The following PRR3 variants were observed in gnomAD, a reference collection of about 807,000 sequenced individuals.
PRR3 encodes proline rich 3.
PRR3 carries 16 observed loss-of-function variants against 22.4 expected under a neutral mutation model. That is an observed-to-expected ratio of 0.71 (90% CI 0.48 to 1.09). The LOEUF (loss-of-function observed/expected upper bound fraction) is 1.09, where lower values mean the gene tolerates loss of function less well. Ranked by LOEUF, PRR3 falls within the 50% of genes least tolerant of loss-of-function variation. The pLI is 0.00. For missense variants in PRR3, 224 were observed against 243.4 expected (o/e 0.92, Z 0.53); for synonymous variants, 87 against 88.6 (o/e 0.98, Z 0.10).
rs963502739 is a variant in PRR3 at position 30,562,478 on chromosome 6, A to C, written c.550A>C (p.Asn184His). 3 of 1,608,620 alleles carry C rather than the reference A, an allele frequency of 1.9e-6. No individual in the cohort carries two copies. The change falls in exon 4 of 4, where the codon AAT becomes CAT. Residue 184 changes from asparagine to histidine, a missense_variant. Asn to His is a moderately conservative substitution (Grantham distance 68, BLOSUM62 1). Transcript: ENST00000376560. ...CTGTGCCTTCTACCATCCAGGCGTC[A>C]ATGGACCTCCTCTGTGAGACTGTGC... is the stretch of plus-strand genomic sequence containing the variant. The part of the protein sequence containing the change: ...DLCAFYHPGV[N>H]GPPL
At position 30,558,205 on chromosome 6, in the gene PRR3, T is replaced by G. The variant is rs1800388543; in HGVS notation, c.162T>G (p.Pro54=). ...PPMANGKPGD[P]KSALHRGPPG... is the part of the protein sequence containing the mutation. ...TGGCCAATGGAAAACCTGGCGACCC[T>G]AAGTCAGGTGAGGAGGAAGGGGCCC... The change falls in exon 2 of 4, where the codon CCT becomes CCG. Residue 54 remains proline, a synonymous_variant. Coordinates refer to ENST00000376560, the MANE Select transcript of PRR3 (RefSeq NM_025263.4). The G allele has an allele frequency of 1.2e-6, 2 of 1,612,694 alleles. No individual in the cohort carries two copies. The highest frequency in any genetic ancestry group is 2.2e-5 in the South Asian group (2 of 91,068).
Position 30,562,770 on chromosome 6 carries a change from C to T in PRR3, c.*275C>T. 2.8e-6 allele frequency: 1 copy of T among 351,994 alleles called. No homozygotes were observed. The highest frequency in any genetic ancestry group is 7.7e-5 in the South Asian group (1 of 13,012). The allele number at this position is 351,994 out of a possible 1,614,324, so 21.8% of individuals were successfully genotyped here. ...TTGCCTCCTGGATCTTCTTTCCCGTCATCAAATGACTGCTGAACAGGAAAC... is the reference window on the plus strand; with the variant it reads ...TTGCCTCCTGGATCTTCTTTCCCGTTATCAAATGACTGCTGAACAGGAAAC... On this transcript the variant is annotated 3_prime_UTR_variant, in exon 4 of 4. Transcript: ENST00000376560.
At position 30,557,379 on chromosome 6, in the gene PRR3, C is replaced by T. The variant is rs375242330; in HGVS notation, c.35C>T (p.Pro12Leu). 7 of 1,612,766 alleles carry T rather than the reference C, an allele frequency of 4.3e-6. No homozygotes were observed. In the East Asian group the frequency reaches 6.7e-5, roughly 15 times the overall value. The change falls in exon 1 of 4, where the codon CCA becomes CTA. Residue 12 changes from proline to leucine, a missense_variant. By Grantham distance (98) the Pro-to-Leu change is moderately conservative. Transcript: ENST00000376560. ...PKRKKQNHHQ[P>L]PTQQQPPLPE... ...CGAAAGAAGCAGAATCATCACCAGC[C>T]ACCGACACAGCAGCAGCCCCCGCTG...
chr6:30,558,248 C>G (rs1312179513), intron 2 of PRR3, 36 bp downstream of exon 2: 1 of 1,570,934 alleles, frequency 6.4e-7, no homozygotes, highest in South Asian at 1.1e-5. Flanking sequence ...TGTATTAGGT[C>G]GTAGAGAAGA....
chr6:30,556,934 T>G, upstream of PRR3: 1 of 615,262 alleles, frequency 1.6e-6, no homozygotes, highest in East Asian at 2.7e-5. The surrounding 1 kb of genome is among the most constrained non-coding windows in gnomAD (Gnocchi z 5.7). Context: ...GGGCACGAAG[T>G]TGTGCCTGCA....
chr6:30,562,512 C>G lies in PRR3; in HGVS notation c.*17C>G, dbSNP rs919521511. ...CCTCTGTGAGACTGTGCCTTCCCATCCAGGCTGGAAGGAGCTCTCTGTGAC... is the reference window on the plus strand; with the variant it reads ...CCTCTGTGAGACTGTGCCTTCCCATGCAGGCTGGAAGGAGCTCTCTGTGAC... On this transcript the variant is annotated 3_prime_UTR_variant, in exon 4 of 4. Coordinates refer to ENST00000376560, the MANE Select transcript of PRR3 (RefSeq NM_025263.4). The G allele has an allele frequency of 5.9e-6, 9 of 1,518,004 alleles. No individual in the cohort carries two copies. The Admixed American group carries it at 1.5e-4, about 25-fold the overall frequency. 94.0% of individuals were successfully genotyped at this position (1,518,004 alleles called of 1,614,324 possible).
Position 30,562,400 on chromosome 6 carries a change from C to T in PRR3, c.472C>T (p.Arg158Cys). The T allele has an allele frequency of 2.5e-6, 4 of 1,613,336 alleles. No homozygotes were observed. The highest frequency in any genetic ancestry group is 1.3e-5 in the African/African-American group (1 of 75,008). The change falls in exon 4 of 4, where the codon CGC becomes TGC. Residue 158 changes from arginine (R) to cysteine (C), a missense_variant. By Grantham distance (180) the Arg-to-Cys change is radical. Coordinates refer to ENST00000376560, the MANE Select transcript of PRR3 (RefSeq NM_025263.4). ...DPQVMEDKSDRPVCRHFAKKG... is the reference protein window; with the variant it reads ...DPQVMEDKSDCPVCRHFAKKG... Reference sequence around the variant, plus strand: ...TCACTTGTTCACAGACAAATCCGACCGCCCTGTCTGCCGACATTTTGCCAA... The same window carrying T: ...TCACTTGTTCACAGACAAATCCGACTGCCCTGTCTGCCGACATTTTGCCAA...
chr6:30,556,871 G>C, upstream of PRR3: 3 of 592,234 alleles, frequency 5.1e-6, no homozygotes, highest in Non-Finnish European at 9.0e-6. The surrounding 1 kb of genome is among the most constrained non-coding windows in gnomAD (Gnocchi z 5.7). Context: ...AAGTGCAAAA[G>C]CGGGCGAGAA....
chr6:30,556,843 A>T, upstream of PRR3: 1 of 556,044 alleles, frequency 1.8e-6, no homozygotes, highest in Non-Finnish European at 3.2e-6. This position sits in a 1 kb window ranked among gnomAD's most constrained non-coding sequence, Gnocchi z 5.7. Flanking sequence ...GATGATAAGG[A>T]GCAGGTTTAC....
chr6:30,559,519 C>G (rs114055010), intron 2 of PRR3, among the ~76,000 whole-genome samples: 1,533 of 152,134 alleles, frequency 0.01, 8 homozygotes, highest in Non-Finnish European at 0.014. Flanking sequence ...TCCAGACAAG[C>G]CATTTGAAAA....
At position 30,562,668 on chromosome 6, in the gene PRR3, G is replaced by T. The variant is rs1228760973; in HGVS notation, c.*173G>T. Reference sequence around the variant, plus strand: ...GGGTCCAGAGTGGTGTTGCATCACTGGTGCGCGGCATACGCGCTTTCTTCT... The same window carrying T: ...GGGTCCAGAGTGGTGTTGCATCACTTGTGCGCGGCATACGCGCTTTCTTCT... On this transcript the variant is annotated 3_prime_UTR_variant, in exon 4 of 4. Coordinates refer to ENST00000376560, the MANE Select transcript of PRR3 (RefSeq NM_025263.4). 1.8e-6 allele frequency: 1 copy of T among 554,222 alleles called. No individual in the cohort carries two copies. Among genetic ancestry groups the T allele is most frequent in the Admixed American group, 3.3e-5 (1 of 30,408 alleles). 34.3% of individuals were successfully genotyped at this position (554,222 alleles called of 1,614,324 possible).
In PRR3 at chr6:30,557,410, G is replaced by C. The variant is rs754468875; in HGVS notation, c.66G>C (p.Glu22Asp). ...CACAGCAGCAGCCCCCGCTGCCCGAGCGGGAAGAGACTGGAGATGAGGAGG... is the reference window on the plus strand; with the variant it reads ...CACAGCAGCAGCCCCCGCTGCCCGACCGGGAAGAGACTGGAGATGAGGAGG... Reference protein sequence around the residue: ...PPTQQQPPLPEREETGDEEDG... With the variant: ...PPTQQQPPLPDREETGDEEDG... The change falls in exon 1 of 4, where the codon GAG becomes GAC. Residue 22 changes from glutamate (E) to aspartate (D), a missense_variant. By Grantham distance (45) the Glu-to-Asp change is conservative. Coordinates refer to ENST00000376560, the MANE Select transcript of PRR3 (RefSeq NM_025263.4). 2.9e-5 allele frequency: 47 copies of C among 1,612,478 alleles called. 1 individual carries two copies. Among genetic ancestry groups the C allele is most frequent in the Non-Finnish European group, 2.5e-6 (3 of 1,179,942 alleles).
At position 30,561,810 on chromosome 6, in the gene PRR3, GTCTC is replaced by G. The variant is rs550878539; in HGVS notation, c.170-7_170-4del. 2.1e-4 allele frequency: 291 copies of G among 1,382,584 alleles called. No individual in the cohort carries two copies. Among genetic ancestry groups the G allele is most frequent in the African/African-American group, 7.7e-4 (52 of 67,604 alleles). 85.6% of individuals were successfully genotyped at this position (1,382,584 alleles called of 1,614,324 possible). A position where few individuals can be genotyped will look rare whatever the true frequency, so the allele number is the denominator to read the frequency against. On this transcript the variant is annotated intron_variant, in intron 2 of 3. Transcript: ENST00000376560. This position sits in a 1 kb window ranked among gnomAD's most constrained non-coding sequence, Gnocchi z 4.0. ...AGCTGCCCATTAGACACCTTTCTGT[GTCTC>G]TCTCTCTCTCTCTCTCCAGCTCTTC... is the stretch of plus-strand genomic sequence containing the variant.
chr6:30,562,424 A>T lies in PRR3; in HGVS notation c.496A>T (p.Lys166Ter). 1 of 1,613,904 alleles carries T rather than the reference A, an allele frequency of 6.2e-7. No homozygotes were observed. Among genetic ancestry groups the T allele is most frequent in the Non-Finnish European group, 8.5e-7 (1 of 1,179,802 alleles). Residue 166 changes from lysine to a stop codon, truncating the protein, a stop_gained, in exon 4 of 4, where the codon AAA becomes TAA. Transcript: ENST00000376560. LOFTEE classifies it high-confidence loss of function. ...CCGCCCTGTCTGCCGACATTTTGCC[A>T]AAAAGGGCCACTGTCGATATGAGGA... ...SDRPVCRHFA[K>*]KGHCRYEDLC...
intron 2 of PRR3, chr6:30,559,978 A>C (rs1465588649): frequency 6.6e-6 from 1 of 152,254 alleles, no homozygotes; most frequent in African/African-American, 2.4e-5. Context: ...GAAGGAAGAA[A>C]GTGCTGTCAC....
chr6:30,561,674 T>C lies in PRR3; in HGVS notation c.170-160T>C, dbSNP rs1321488362. The C allele has an allele frequency of 9.2e-6, 6 of 649,908 alleles. No homozygotes were observed. Among genetic ancestry groups the C allele is most frequent in the Non-Finnish European group, 1.6e-5 (6 of 386,006 alleles). The allele number at this position is 649,908 out of a possible 1,614,324, so 40.3% of individuals were successfully genotyped here. A position where few individuals can be genotyped will look rare whatever the true frequency, so the allele number is the denominator to read the frequency against. On this transcript the variant is annotated intron_variant, in intron 2 of 3. Transcript: ENST00000376560. This position sits in a 1 kb window ranked among gnomAD's most constrained non-coding sequence, Gnocchi z 4.0. ...TATCTCTTCACCTGGTGGTGGAAAC[T>C]CAAGTGTGTCTACTTTGTGAGAACT...
At chr6:30,557,122 G>A (rs1800282873), upstream of PRR3, 1 of 702,676 alleles carries the variant, frequency 1.4e-6, no homozygotes. Flanking sequence ...TAGAAACGCA[G>A]CAAAGGGAAG....
Position 30,561,558 on chromosome 6 carries a change from G to T in PRR3, c.170-276G>T, listed in dbSNP as rs575482040. ...CAAAAACAGGCAAAAACTAACCTAT[G>T]GTGTCAGGATAGTGGTTACCTTTGG... On this transcript the variant is annotated intron_variant, in intron 2 of 3. Transcript: ENST00000376560. This position sits in a 1 kb window ranked among gnomAD's most constrained non-coding sequence, Gnocchi z 4.0. The T allele has an allele frequency of 4.3e-4, 262 of 614,232 alleles. No homozygotes were observed. The highest frequency in any genetic ancestry group is 7.5e-4 in the South Asian group (40 of 53,034). 38.0% of individuals were successfully genotyped at this position (614,232 alleles called of 1,614,324 possible). A position where few individuals can be genotyped will look rare whatever the true frequency, so the allele number is the denominator to read the frequency against.
chr6:30,557,891 C>T (rs1410402779), intron 1 of PRR3, among the ~76,000 whole-genome samples: 1 of 152,132 alleles, frequency 6.6e-6, no homozygotes, highest in Non-Finnish European at 1.5e-5. Context: ...TGGATAGCGA[C>T]GGTACGGTGA....
Sources: allele counts gnomAD v4.1 joint callset (sites outside exome capture counted in the v4.1 genomes callset), GRCh38; gene constraint gnomAD v4.1.1; non-coding constraint Gnocchi (gnomAD v3.1); transcripts MANE v1.5; gene names NCBI Gene and HGNC (gene_info 2026-07-23, HGNC 2026-07-21).